Variants in ADRA1B observed in about 807,000 individuals in gnomAD.
ADRA1B encodes adrenoceptor alpha 1B, also known as alpha-1B adrenergic receptor.
Under a neutral mutation model 17.9 loss-of-function variants are expected in ADRA1B, and 17 were observed. That is an observed-to-expected ratio of 0.95 (90% CI 0.65 to 1.42). The LOEUF (loss-of-function observed/expected upper bound fraction) is 1.42. ADRA1B is among the 40% of genes most tolerant of loss of function. ADRA1B has a pLI of 0.00. For missense variants in ADRA1B, 681 were observed against 722.1 expected (o/e 0.94, Z 0.65); for synonymous variants, 366 against 327.6 (o/e 1.12, Z -1.27).
In ADRA1B at chr5:159,916,678, C is replaced by G. The variant is rs1754318575; in HGVS notation, c.-228C>G. The G allele has an allele frequency of 1.9e-6, 1 of 523,456 alleles. No homozygotes were observed. Among genetic ancestry groups the G allele is most frequent in the Non-Finnish European group, 3.3e-6 (1 of 299,180 alleles). The allele number at this position is 523,456 out of a possible 1,614,324, so 32.4% of individuals were successfully genotyped here. A position where few individuals can be genotyped will look rare whatever the true frequency, so the allele number is the denominator to read the frequency against. Reference sequence around the variant, plus strand: ...GGACCATTAAACTTGGAGCTGCCGCCTCGTCCCCTCTCCTCCTCCTCCTCC... The same window carrying G: ...GGACCATTAAACTTGGAGCTGCCGCGTCGTCCCCTCTCCTCCTCCTCCTCC... On this transcript the variant is annotated 5_prime_UTR_variant, in exon 1 of 2. Transcript: ENST00000306675.
At position 159,971,977 on chromosome 5, in the gene ADRA1B, T is replaced by C; in HGVS notation, c.1048T>C (p.Cys350Arg). The C allele has an allele frequency of 6.9e-7, 1 of 1,439,074 alleles. No homozygotes were observed. The highest frequency in any genetic ancestry group is 9.2e-7 in the Non-Finnish European group (1 of 1,085,038). 89.1% of individuals were successfully genotyped at this position (1,439,074 alleles called of 1,614,324 possible). ...CTGCCTCAACCCCATCATCTACCCA[T>C]GCTCCAGCAAGGAGTTCAAGCGCGC... ...NSCLNPIIYP[C>R]SSKEFKRAFV... The change falls in exon 2 of 2, where the codon TGC (cysteine) becomes CGC (arginine). Residue 350 changes from cysteine (C) to arginine (R), a missense_variant. Around this residue, in one of 3 missense-constraint regions of ADRA1B, gnomAD observed 424 missense variants for 480.2 expected, o/e 0.88. Transcript: ENST00000306675.
At chr5:159,904,876 A>G (rs527450984) in intron 1 of ADRA1B, among the ~76,000 whole-genome samples, 1 of 152,350 alleles carries the variant, frequency 6.6e-6, no homozygotes, top group Admixed American at 6.5e-5. Context: ...ATATCTGCTA[A>G]TCACTAGAAT....
At chr5:159,984,147 T>A in the ADRA1B span, among the ~76,000 whole-genome samples, 3 of 152,114 alleles carry the variant, frequency 2.0e-5, no homozygotes, top group African/African-American at 7.2e-5. Flanking sequence ...TCTCTAAATG[T>A]TGAGGTTTCT....
At chr5:159,897,974 C>T (rs909119130) in intron 1 of ADRA1B, among the ~76,000 whole-genome samples, 5 of 152,200 alleles carry the variant, frequency 3.3e-5, no homozygotes, top group African/African-American at 1.2e-4. Context: ...GCACAGCTCC[C>T]GCATCTTATG....
chr5:159,938,217 C>T (rs1755008768), intron 1 of ADRA1B, among the ~76,000 whole-genome samples: 1 of 152,212 alleles, frequency 6.6e-6, no homozygotes, highest in Non-Finnish European at 1.5e-5. Flanking sequence ...AAACTCCATC[C>T]AGAATCCATT....
chr5:159,917,956 T>C (rs1387353468), intron 1 of ADRA1B, 102 bp downstream of exon 1: 2 of 1,009,564 alleles, frequency 2.0e-6, no homozygotes, highest in Non-Finnish European at 3.0e-6. Flanking sequence ...TCTTATGCAG[T>C]CTGTGCGTGT....
intron 1 of ADRA1B, among the ~76,000 whole-genome samples, chr5:159,961,744 G>A (rs1049095348): frequency 2.0e-5 from 3 of 152,200 alleles, no homozygotes; most frequent in African/African-American, 7.2e-5. Flanking sequence ...GACACTGACT[G>A]TGAAATAAAT....
intron 1 of ADRA1B, among the ~76,000 whole-genome samples, chr5:159,965,788 G>A (rs929337860): frequency 6.6e-6 from 1 of 152,190 alleles, no homozygotes; most frequent in Non-Finnish European, 1.5e-5. Flanking sequence ...CCCCAGCAGG[G>A]ATGGGCAAGG....
At chr5:159,948,221 G>GTGAATATAA in intron 1 of ADRA1B, 1 of 985,426 alleles carries the variant, frequency 1.0e-6, no homozygotes, top group Non-Finnish European at 1.2e-6. Flanking sequence ...GAGTCCTCCT[G>GTGAATATAA]CATTACAGCA....
intron 1 of ADRA1B, among the ~76,000 whole-genome samples, chr5:159,889,697 C>T (rs952920724): frequency 6.6e-6 from 1 of 152,192 alleles, no homozygotes; most frequent in Non-Finnish European, 1.5e-5. Context: ...ACGGCTGTGG[C>T]ATCCATGTCC....
At chr5:159,987,655 A>C in the ADRA1B span, among the ~76,000 whole-genome samples, 1 of 152,216 alleles carries the variant, frequency 6.6e-6, no homozygotes, top group Non-Finnish European at 1.5e-5. Context: ...TCATAGATGC[A>C]GTCAGATATT....
chr5:159,928,983 C>T (rs1006099803), intron 1 of ADRA1B: 1 of 152,196 alleles, frequency 6.6e-6, no homozygotes, highest in Non-Finnish European at 1.5e-5. Context: ...TCTAGGGACA[C>T]TCCCCACAGC....
intron 1 of ADRA1B, among the ~76,000 whole-genome samples, chr5:159,956,187 G>T (rs183923485): frequency 3.9e-5 from 6 of 152,306 alleles, no homozygotes; most frequent in Admixed American, 2.0e-4. Context: ...GCTGCAGCAA[G>T]CTATGATCAC....
chr5:159,907,097 T>C (rs76039967), intron 1 of ADRA1B, among the ~76,000 whole-genome samples: 5,646 of 152,248 alleles, frequency 0.037, 102 homozygotes, highest in Middle Eastern at 0.071. Context: ...TTGACACTAA[T>C]TGTACCAATG....
At chr5:159,932,833 A>G (rs1226232846) in intron 1 of ADRA1B, among the ~76,000 whole-genome samples, 1 of 152,234 alleles carries the variant, frequency 6.6e-6, no homozygotes, top group African/African-American at 2.4e-5. Context: ...TCCATTTCCA[A>G]ATAGAGTAGC....
chr5:159,956,827 C>A (rs1755558601), intron 1 of ADRA1B, among the ~76,000 whole-genome samples: 1 of 152,220 alleles, frequency 6.6e-6, no homozygotes, highest in South Asian at 2.1e-4. Context: ...AGCATAAGCA[C>A]TTTTTAAAAT....
chr5:159,978,017 A>T, the ADRA1B span, among the ~76,000 whole-genome samples: 2 of 152,066 alleles, frequency 1.3e-5, no homozygotes, highest in Non-Finnish European at 2.9e-5. Context: ...CCCTACTGCC[A>T]ACACTGTCCA....
chr5:159,958,470 A>G (rs966413973), intron 1 of ADRA1B, among the ~76,000 whole-genome samples: 5 of 152,048 alleles, frequency 3.3e-5, no homozygotes, highest in African/African-American at 1.2e-4. Context: ...CTATGATTCT[A>G]TGACAGGTTT....
chr5:159,926,073 T>C (rs1754638845), intron 1 of ADRA1B, among the ~76,000 whole-genome samples: 1 of 152,218 alleles, frequency 6.6e-6, no homozygotes, highest in African/African-American at 2.4e-5. Flanking sequence ...GCTGAATGAA[T>C]GAATGAATGA....
Sources: allele counts gnomAD v4.1 joint callset (sites outside exome capture counted in the v4.1 genomes callset), GRCh38; gene constraint gnomAD v4.1.1; regional missense constraint gnomAD v4.1.1; transcripts MANE v1.5; gene names NCBI Gene and HGNC (gene_info 2026-07-23, HGNC 2026-07-21).